Variants in SH2D1A observed in about 807,000 individuals in gnomAD.
SH2D1A encodes the protein SH2 domain containing 1A, also known as SH2 domain-containing protein 1A.
Under a neutral mutation model 10.1 loss-of-function variants are expected in SH2D1A, and 6 were observed. The observed-to-expected ratio is 0.60, with a 90% CI of 0.33 to 1.18. SH2D1A has a LOEUF of 1.18. Ranked by LOEUF, SH2D1A falls within the 50% of genes most tolerant of loss-of-function variation. The probability of loss-of-function intolerance (pLI) is 0.04; values close to 1 mark genes in which losing one functional copy is unlikely to be tolerated. For synonymous variants in SH2D1A, 42 were observed against 36.9 expected, an observed-to-expected ratio of 1.14 and a Z score of -0.51; for missense variants, 51 against 97.6, an observed-to-expected ratio of 0.52 and a Z score of 2.01.
chrX:124,348,512 T>C (rs2059999658), intron 1 of SH2D1A, among the ~76,000 whole-genome samples: 1 of 111,551 alleles, frequency 9.0e-6, no homozygotes, highest in African/African-American at 3.3e-5. Context: ...CTGCGCTTAT[T>C]GTTCCTTCTG....
At chrX:124,368,698 A>C (rs1181410698) in intron 2 of SH2D1A, among the ~76,000 whole-genome samples, 1 of 112,467 alleles carries the variant, frequency 8.9e-6, no homozygotes, top group Non-Finnish European at 1.9e-5. Flanking sequence ...CTTATCTGTC[A>C]AATGGGAATA....
chrX:124,357,728 A>G (rs1390974959), intron 1 of SH2D1A, among the ~76,000 whole-genome samples: 1 of 111,836 alleles, frequency 8.9e-6, no homozygotes, highest in Admixed American at 9.5e-5. Context: ...TTTTCTGATG[A>G]TTAGTGAGGT....
chrX:124,355,472 C>T (rs1269231080), intron 1 of SH2D1A, among the ~76,000 whole-genome samples: 1 of 111,790 alleles, frequency 8.9e-6, no homozygotes, highest in Non-Finnish European at 1.9e-5. Context: ...TATTCATGTT[C>T]TGATTTTTTT....
chrX:124,354,190 C>G (rs945504179), intron 1 of SH2D1A, among the ~76,000 whole-genome samples: 1 of 111,615 alleles, frequency 9.0e-6, no homozygotes, highest in Non-Finnish European at 1.9e-5. Context: ...TATAAACCAC[C>G]GAATGGATAA....
At chrX:124,353,744 G>T (rs903664829) in intron 1 of SH2D1A, among the ~76,000 whole-genome samples, 3 of 112,192 alleles carry the variant, frequency 2.7e-5, no homozygotes, top group African/African-American at 9.7e-5. Flanking sequence ...CTACTTATCT[G>T]ATGGAAGATT....
At chrX:124,357,758 C>A (rs961013347) in intron 1 of SH2D1A, among the ~76,000 whole-genome samples, 1 of 110,925 alleles carries the variant, frequency 9.0e-6, no homozygotes, top group East Asian at 2.8e-4. Flanking sequence ...TTTCACATAC[C>A]TGTTGGTCAT....
In SH2D1A at chrX:124,372,209, G is replaced by A. The variant is rs771587742; in HGVS notation, c.*818G>A. 1 of 164,166 alleles carries A rather than the reference G, an allele frequency of 6.1e-6. No homozygotes were observed. Among genetic ancestry groups the A allele is most frequent in the African/African-American group, 3.0e-5 (1 of 33,228 alleles). 13.5% of individuals were successfully genotyped at this position (164,166 alleles called of 1,213,427 possible). On this transcript the variant is annotated 3_prime_UTR_variant, in exon 4 of 4. Coordinates refer to ENST00000371139, the MANE Select transcript of SH2D1A (RefSeq NM_002351.5). The stretch of plus-strand genomic sequence containing the variant: ...GATTTGTAACAAGCCTCCTTTTAAA[G>A]TAACCCTACAAAACCACTGGAAAGT...
At chrX:124,350,179 T>A (rs1334510636) in intron 1 of SH2D1A, among the ~76,000 whole-genome samples, 2 of 66,885 alleles carry the variant, frequency 3.0e-5, no homozygotes, top group South Asian at 1.3e-3. Context: ...AAATATCTAA[T>A]ATATATAATA....
chrX:124,349,137 T>C (rs182132072), intron 1 of SH2D1A, among the ~76,000 whole-genome samples: 47 of 112,238 alleles, frequency 4.2e-4, no homozygotes, highest in African/African-American at 1.5e-3. Context: ...TAGTTCTCCA[T>C]GAAAACCTCC....
At chrX:124,355,919 T>G (rs779537737) in intron 1 of SH2D1A, among the ~76,000 whole-genome samples, 2 of 111,437 alleles carry the variant, frequency 1.8e-5, no homozygotes, top group African/African-American at 6.5e-5. Context: ...TTGTGTGTGT[T>G]TTTTTTAATA....
intron 1 of SH2D1A, among the ~76,000 whole-genome samples, chrX:124,351,838 T>G (rs1436853992): frequency 9.0e-6 from 1 of 110,773 alleles, no homozygotes; most frequent in African/African-American, 3.3e-5. Flanking sequence ...TATTGCAAGG[T>G]ATCCTTTCGA....
intron 2 of SH2D1A, among the ~76,000 whole-genome samples, chrX:124,367,094 T>C (rs1378239455): frequency 8.9e-6 from 1 of 111,776 alleles, no homozygotes; most frequent in Non-Finnish European, 1.9e-5. Context: ...TACATGCTTG[T>C]GATCATGTTA....
intron 1 of SH2D1A, among the ~76,000 whole-genome samples, chrX:124,350,261 A>ATTATAT (rs2060006233): frequency 3.4e-5 from 1 of 29,412 alleles, no homozygotes; most frequent in African/African-American, 2.2e-4. Flanking sequence ...TATAATATAT[A>ATTATAT]AATATATATT....
At position 124,365,805 on chromosome X, in the gene SH2D1A, C is replaced by T; in HGVS notation, c.182C>T (p.Thr61Ile). The T allele has an allele frequency of 8.5e-7, 1 of 1,173,623 alleles. No homozygotes were observed. Among genetic ancestry groups the T allele is most frequent in the Non-Finnish European group, 1.2e-6 (1 of 860,977 alleles). Residue 61 changes from threonine to isoleucine, a missense_variant, in exon 2 of 4, where the codon ACA (threonine) becomes ATA (isoleucine). Coordinates refer to ENST00000371139, the MANE Select transcript of SH2D1A (RefSeq NM_002351.5). ...IYTYRVSQTE[T>I]GSWSAETAPG... The stretch of plus-strand genomic sequence containing the variant: ...ACATACCGAGTGTCCCAGACAGAAA[C>T]AGGTTCTTGGAGTGCTGAGGTATAG...
At position 124,362,351 on chromosome X, in the gene SH2D1A, C is replaced by A. The variant is rs193095620; in HGVS notation, c.138-3410C>A. ...GGGGTGATGCTGCTTTTCCAGTGAA[C>A]CTGAAGGGCAGAATATTGAATCGAA... On this transcript the variant is annotated intron_variant, in intron 1 of 3. Coordinates refer to ENST00000371139, the MANE Select transcript of SH2D1A (RefSeq NM_002351.5). Among the ~76,000 whole-genome samples the A allele has an allele frequency of 9.4e-3, 1,052 of 112,278 alleles. 5 individuals carry two copies. The highest frequency in any genetic ancestry group is 0.015 in the Non-Finnish European group (817 of 53,240).
chrX:124,351,066 T>TA (rs1491294761), intron 1 of SH2D1A, among the ~76,000 whole-genome samples: 5 of 91,958 alleles, frequency 5.4e-5, no homozygotes, highest in East Asian at 3.1e-4. Context: ...TAAATATATA[T>TA]TTTTATATAT....
rs144317628 is a variant in SH2D1A at position 124,359,944 on chromosome X, C to T, written c.138-5817C>T. ...TTTTTAGATGGAGTCTCACTCTTGTCGCCCAGGCTGGAGTGCAATGGTGCG... is the reference window on the plus strand; with the variant it reads ...TTTTTAGATGGAGTCTCACTCTTGTTGCCCAGGCTGGAGTGCAATGGTGCG... On this transcript the variant is annotated intron_variant, in intron 1 of 3. Transcript: ENST00000371139. Among the ~76,000 whole-genome samples, 930 of 110,129 alleles carry T rather than the reference C, an allele frequency of 8.4e-3. 5 individuals carry two copies. The highest frequency in any genetic ancestry group is 0.029 in the African/African-American group (875 of 30,184).
intron 2 of SH2D1A, among the ~76,000 whole-genome samples, chrX:124,368,341 A>C (rs1048345838): frequency 2.7e-5 from 3 of 110,740 alleles, no homozygotes; most frequent in African/African-American, 9.9e-5. Flanking sequence ...GGCTTTCACC[A>C]TGTTGCCCAG....
At chrX:124,370,066 T>TCAA in intron 2 of SH2D1A, 110 bp from the exon 3 acceptor site, 2 of 621,931 alleles carry the variant, frequency 3.2e-6, no homozygotes, top group South Asian at 4.7e-5. Context: ...TTCAAATATT[T>TCAA]CAACAAGTTA....
Sources: allele counts gnomAD v4.1 joint callset (sites outside exome capture counted in the v4.1 genomes callset), GRCh38; gene constraint gnomAD v4.1.1; transcripts MANE v1.5; gene names NCBI Gene and HGNC (gene_info 2026-07-23, HGNC 2026-07-21).